EHBP1: variants seen among roughly 807,000 people sequenced by gnomAD.
EHBP1 encodes the protein EH domain-binding protein 1.
EHBP1 carries 55 observed loss-of-function variants against 144.0 expected under a neutral mutation model. The observed-to-expected ratio is 0.38, with a 90% confidence interval of 0.31 to 0.48. The LOEUF is 0.48. Ranked by LOEUF, EHBP1 falls within the 20% of genes least tolerant of loss-of-function variation. The probability of loss-of-function intolerance (pLI) is 0.98; values close to 1 mark genes in which losing one functional copy is unlikely to be tolerated. For missense variants in EHBP1, 1,200 were observed against 1,364.2 expected, an observed-to-expected ratio of 0.88 and a Z score of 1.90; for synonymous variants, 469 against 472.7, an observed-to-expected ratio of 0.99 and a Z score of 0.10.
chr2:62,814,464 A>G (rs775116192), intron 5 of EHBP1, among the ~76,000 whole-genome samples: 1 of 152,272 alleles, frequency 6.6e-6, no homozygotes, highest in Non-Finnish European at 1.5e-5. Context: ...ATAGATTAAC[A>G]CAGCCAGCAT....
chr2:62,695,368 GA>G (rs990730744), intron 1 of EHBP1, among the ~76,000 whole-genome samples: 1 of 150,128 alleles, frequency 6.7e-6, no homozygotes, highest in Non-Finnish European at 1.5e-5. Context: ...CTCAAAAAGA[GA>G]AAAAAAAAGT....
chr2:62,995,284 G>C (rs898600389), intron 18 of EHBP1, among the ~76,000 whole-genome samples: 3 of 151,992 alleles, frequency 2.0e-5, no homozygotes, highest in African/African-American at 7.2e-5. Context: ...AAACTATCCT[G>C]AGAAATTTAG....
chr2:62,967,594 A>G (rs1258786820), intron 14 of EHBP1, among the ~76,000 whole-genome samples: 2 of 152,160 alleles, frequency 1.3e-5, no homozygotes. Flanking sequence ...TTACATTTTG[A>G]TCACTTGTAT....
intron 2 of EHBP1, among the ~76,000 whole-genome samples, chr2:62,710,600 A>G (rs937229121): frequency 6.6e-6 from 1 of 152,054 alleles, no homozygotes; most frequent in Non-Finnish European, 1.5e-5. Flanking sequence ...GTGAAGATAC[A>G]TCCCTGAAAG....
chr2:63,027,326 A>G (rs1346808640), intron 19 of EHBP1, among the ~76,000 whole-genome samples: 1 of 152,248 alleles, frequency 6.6e-6, no homozygotes. Context: ...AGGAAATGGC[A>G]ATACAGACCC....
At chr2:62,970,633 G>C (rs957347073) in intron 14 of EHBP1, among the ~76,000 whole-genome samples, 1 of 152,104 alleles carries the variant, frequency 6.6e-6, no homozygotes, top group African/African-American at 2.4e-5. Flanking sequence ...CTAAAGTAAT[G>C]TCAGTTGGTG....
chr2:62,830,272 A>C (rs1434429984), intron 6 of EHBP1, among the ~76,000 whole-genome samples: 1 of 151,274 alleles, frequency 6.6e-6, no homozygotes, highest in Non-Finnish European at 1.5e-5. Context: ...TATAGCTTGG[A>C]TTACAGGCGC....
intron 10 of EHBP1, among the ~76,000 whole-genome samples, chr2:62,887,509 G>A (rs934466830): frequency 6.6e-6 from 1 of 151,644 alleles, no homozygotes; most frequent in African/African-American, 2.4e-5. Flanking sequence ...AGGCTGAGGT[G>A]GGAGATTCGC....
chr2:62,680,196 A>G (rs1405759785), intron 1 of EHBP1, among the ~76,000 whole-genome samples: 4 of 152,222 alleles, frequency 2.6e-5, no homozygotes, highest in Non-Finnish European at 5.9e-5. Context: ...AGCTACTCCT[A>G]TACAAAGACT....
intron 5 of EHBP1, among the ~76,000 whole-genome samples, chr2:62,790,976 T>C (rs1003073838): frequency 6.6e-6 from 1 of 152,036 alleles, no homozygotes; most frequent in East Asian, 1.9e-4. Context: ...TTTCCCAATA[T>C]AGATGTGGGT....
At chr2:62,809,889 CA>C (rs1241394995) in intron 5 of EHBP1, among the ~76,000 whole-genome samples, 2 of 151,916 alleles carry the variant, frequency 1.3e-5, no homozygotes, top group African/African-American at 4.8e-5. Context: ...TCAGAAATAC[CA>C]AAAATACGTT....
intron 14 of EHBP1, 32 bp downstream of exon 14, chr2:62,955,692 T>G: frequency 1.3e-6 from 2 of 1,578,432 alleles, no homozygotes; most frequent in Non-Finnish European, 1.7e-6. Context: ...AGACCATAAG[T>G]TGTTCATTGT....
intron 19 of EHBP1, among the ~76,000 whole-genome samples, chr2:62,997,440 G>T (rs1482400458): frequency 6.7e-6 from 1 of 149,542 alleles, no homozygotes; most frequent in Non-Finnish European, 1.5e-5. Flanking sequence ...GTGTGTGTGT[G>T]TGTGTGTGTG....
chr2:62,800,253 C>T (rs1284854941), intron 5 of EHBP1, among the ~76,000 whole-genome samples: 1 of 152,172 alleles, frequency 6.6e-6, no homozygotes, highest in African/African-American at 2.4e-5. Context: ...AAAATCTCAT[C>T]TACCTCATGA....
intron 5 of EHBP1, among the ~76,000 whole-genome samples, chr2:62,803,793 A>C (rs1417341571): frequency 1.3e-5 from 2 of 152,190 alleles, no homozygotes; most frequent in African/African-American, 4.8e-5. Context: ...TTATACGTTC[A>C]AATTTGTGTC....
chr2:62,824,030 T>C (rs1330574714), intron 5 of EHBP1, among the ~76,000 whole-genome samples: 2 of 152,064 alleles, frequency 1.3e-5, no homozygotes, highest in East Asian at 3.8e-4. Context: ...TCAAAGACAC[T>C]GATTTACCAG....
chr2:62,769,057 G>A lies in EHBP1; in HGVS notation c.259-2282G>A, dbSNP rs552248984. Among the ~76,000 whole-genome samples, 12 of 152,228 alleles carry A rather than the reference G, an allele frequency of 7.9e-5. No homozygotes were observed. In the South Asian group the frequency reaches 2.3e-3, roughly 29 times the overall value. Reference sequence around the variant, plus strand: ...GACAAACCACAGCCAACATCATATCGAATGGGCAAAAGCTGGAAGCATTCC... The same window carrying A: ...GACAAACCACAGCCAACATCATATCAAATGGGCAAAAGCTGGAAGCATTCC... On this transcript the variant is annotated intron_variant, in intron 4 of 22. Coordinates refer to ENST00000431489, the MANE Select transcript of EHBP1 (RefSeq NM_001142616.3).
At chr2:62,844,072 C>G (rs1249520568) in intron 7 of EHBP1, among the ~76,000 whole-genome samples, 1 of 152,170 alleles carries the variant, frequency 6.6e-6, no homozygotes. Context: ...TCCAACAAAG[C>G]TCAGAATTTC....
chr2:62,754,328 T>C (rs994878010), intron 3 of EHBP1, among the ~76,000 whole-genome samples: 2 of 152,174 alleles, frequency 1.3e-5, no homozygotes, highest in Non-Finnish European at 2.9e-5. Context: ...ACAGCAAATG[T>C]TGCTGCCTGA....
Sources: gnomAD v4.1 joint callset for allele counts (sites outside exome capture counted in the v4.1 genomes callset) on GRCh38, gnomAD v4.1.1 for gene constraint, MANE v1.5 for transcripts, NCBI Gene and HGNC (gene_info 2026-07-23, HGNC 2026-07-21) for gene names.